Variants in KCNMB2 observed in about 807,000 individuals in gnomAD.
KCNMB2 encodes the protein potassium calcium-activated channel subfamily M regulatory beta subunit 2.
A neutral mutation model predicts 24.5 loss-of-function variants in KCNMB2; 9 were observed. That is an observed-to-expected ratio of 0.37 (90% CI 0.22 to 0.64). KCNMB2 has a LOEUF of 0.64. Ranked by LOEUF, KCNMB2 falls within the 30% of genes least tolerant of loss-of-function variation. KCNMB2 has a pLI of 0.63. For missense variants in KCNMB2, 226 were observed against 284.3 expected, an observed-to-expected ratio of 0.79 and a Z score of 1.47; for synonymous variants, 109 against 104.4, an observed-to-expected ratio of 1.04 and a Z score of -0.27.
intron 1 of KCNMB2, among the ~76,000 whole-genome samples, chr3:178,730,145 T>C (rs551774369): frequency 6.6e-6 from 1 of 152,144 alleles, no homozygotes; most frequent in African/African-American, 2.4e-5. Flanking sequence ...TTCTACCACG[T>C]TCCAAGAAGT....
rs915857479 is a variant in KCNMB2, at chr3:178,755,990, T to G, written c.-67-51353T>G. 2.0e-5 allele frequency among the ~76,000 whole-genome samples: 3 copies of G among 152,160 alleles called. No homozygotes were observed. In the East Asian group the frequency reaches 5.8e-4, roughly 29 times the overall value. ...AGGGTTCAGGCACTGCTGAGGAGGA[T>G]ATAAATTATTACAAACTTTCTTGCT... On this transcript the variant is annotated intron_variant, in intron 1 of 4. Coordinates refer to ENST00000452583, the MANE Select transcript of KCNMB2 (RefSeq NM_181361.3).
chr3:178,740,058 A>AT (rs1162863913), intron 1 of KCNMB2, among the ~76,000 whole-genome samples: 1 of 151,924 alleles, frequency 6.6e-6, no homozygotes, highest in Non-Finnish European at 1.5e-5. Flanking sequence ...AATTTTTTTG[A>AT]TTTGAAATGT....
intron 1 of KCNMB2, among the ~76,000 whole-genome samples, chr3:178,695,359 C>A (rs116595489): frequency 6.6e-6 from 1 of 152,230 alleles, no homozygotes; most frequent in African/African-American, 2.4e-5. Context: ...ACATTTTCCC[C>A]ATTGTCTTGG....
chr3:178,647,218 A>T (rs1020329306), intron 1 of KCNMB2, among the ~76,000 whole-genome samples: 1 of 152,172 alleles, frequency 6.6e-6, no homozygotes, highest in Non-Finnish European at 1.5e-5. Context: ...TTTATAAGAC[A>T]CAAAGTTCTC....
At chr3:178,761,516 G>A (rs775539690) in intron 1 of KCNMB2, among the ~76,000 whole-genome samples, 4 of 152,166 alleles carry the variant, frequency 2.6e-5, no homozygotes, top group Non-Finnish European at 4.4e-5. Flanking sequence ...AGATTTTCAT[G>A]TGGGAAGAAC....
At chr3:178,663,363 T>C (rs538063973) in intron 1 of KCNMB2, among the ~76,000 whole-genome samples, 11 of 152,288 alleles carry the variant, frequency 7.2e-5, no homozygotes, top group African/African-American at 2.4e-4. Context: ...GTTCCAAGTT[T>C]GAACTGAAGA....
chr3:178,750,909 C>A (rs1560001420), intron 1 of KCNMB2, among the ~76,000 whole-genome samples: 1 of 152,152 alleles, frequency 6.6e-6, no homozygotes, highest in Non-Finnish European at 1.5e-5. Flanking sequence ...TAAATTCTGC[C>A]TGAGTACACC....
intron 2 of KCNMB2, among the ~76,000 whole-genome samples, chr3:178,808,609 CAAT>C (rs1714070863): frequency 6.6e-6 from 1 of 151,944 alleles, no homozygotes; most frequent in Non-Finnish European, 1.5e-5. Context: ...TTGTTCTTCA[CAAT>C]AATTATATAT....
At chr3:178,608,018 T>C (rs970120394) in intron 1 of KCNMB2, among the ~76,000 whole-genome samples, 5 of 152,180 alleles carry the variant, frequency 3.3e-5, no homozygotes, top group Non-Finnish European at 7.3e-5. Flanking sequence ...TGAGTTTATA[T>C]TTTGAATCAT....
At chr3:178,719,754 CT>C (rs571009160) in intron 1 of KCNMB2, among the ~76,000 whole-genome samples, 124 of 152,158 alleles carry the variant, frequency 8.1e-4, no homozygotes, top group African/African-American at 2.7e-3. Context: ...AAAATTGACT[CT>C]TTTTTTGGTG....
At chr3:178,794,371 C>T (rs1489343713) in intron 1 of KCNMB2, among the ~76,000 whole-genome samples, 1 of 151,640 alleles carries the variant, frequency 6.6e-6, no homozygotes, top group African/African-American at 2.4e-5. Flanking sequence ...ACCTGAACAG[C>T]CTCTCACAGT....
intron 1 of KCNMB2, among the ~76,000 whole-genome samples, chr3:178,635,701 A>T (rs1412198304): frequency 6.6e-6 from 1 of 152,318 alleles, no homozygotes; most frequent in Non-Finnish European, 1.5e-5. Context: ...ATTTATATTC[A>T]GGTATACATT....
chr3:178,554,714 A>C (rs973804836), intron 1 of KCNMB2, among the ~76,000 whole-genome samples: 2 of 152,236 alleles, frequency 1.3e-5, no homozygotes, highest in African/African-American at 4.8e-5. Context: ...TATAATTTAC[A>C]CTCAGAAGTC....
intron 3 of KCNMB2, among the ~76,000 whole-genome samples, chr3:178,827,063 T>C (rs1295714759): frequency 6.6e-6 from 1 of 152,052 alleles, no homozygotes; most frequent in East Asian, 1.9e-4. Context: ...ACTTCACACA[T>C]GCAAAGGGGT....
At chr3:178,773,232 G>A (rs1334515852) in intron 1 of KCNMB2, among the ~76,000 whole-genome samples, 1 of 152,104 alleles carries the variant, frequency 6.6e-6, no homozygotes, top group East Asian at 1.9e-4. Flanking sequence ...GGCTTAGAGA[G>A]TCTTGATCCC....
intron 1 of KCNMB2, among the ~76,000 whole-genome samples, chr3:178,704,507 C>T (rs1464600767): frequency 6.6e-6 from 1 of 152,128 alleles, no homozygotes; most frequent in African/African-American, 2.4e-5. Flanking sequence ...GTTCCATTGT[C>T]ATATGGGGCT....
rs146830931 is a variant in KCNMB2 at position 178,589,337 on chromosome 3, G to A, written c.-68+52626G>A. 2.8e-4 allele frequency among the ~76,000 whole-genome samples: 43 copies of A among 152,244 alleles called. No individual in the cohort carries two copies. The East Asian group carries it at 7.9e-3, about 28-fold the overall frequency. On this transcript the variant is annotated intron_variant, in intron 1 of 4. Transcript: ENST00000452583. ...CTCACGTGCAAATACCACAGCCTGT[G>A]CTAATTCAATGAGATCTGTCTCCAC... is the stretch of plus-strand genomic sequence containing the variant.
chr3:178,810,367 A>G (rs1714137468), intron 2 of KCNMB2, among the ~76,000 whole-genome samples: 1 of 152,124 alleles, frequency 6.6e-6, no homozygotes, highest in Non-Finnish European at 1.5e-5. Context: ...CAAAATCCTC[A>G]GCTGCTCTCC....
Position 178,674,178 on chromosome 3 carries a change from T to G in KCNMB2, c.-67-133165T>G, listed in dbSNP as rs190826034. Among the ~76,000 whole-genome samples the G allele has an allele frequency of 9.2e-5, 14 of 152,098 alleles. No homozygotes were observed. The South Asian group carries it at 1.5e-3, about 16-fold the overall frequency. Reference sequence around the variant, plus strand: ...ACTCTCCTCTGTTTTACTCCTCATCTCTTCTACCTCTTCTCTTCTCTTTCT... The same window carrying G: ...ACTCTCCTCTGTTTTACTCCTCATCGCTTCTACCTCTTCTCTTCTCTTTCT... On this transcript the variant is annotated intron_variant, in intron 1 of 4. Coordinates refer to ENST00000452583, the MANE Select transcript of KCNMB2 (RefSeq NM_181361.3).
Sources: allele counts gnomAD v4.1 joint callset (sites outside exome capture counted in the v4.1 genomes callset), GRCh38; gene constraint gnomAD v4.1.1; transcripts MANE v1.5; gene names NCBI Gene and HGNC (gene_info 2026-07-23, HGNC 2026-07-21).